VPS37C: variants seen among roughly 807,000 people sequenced by gnomAD.
VPS37C encodes the protein VPS37C subunit of ESCRT-I.
VPS37C carries 9 observed loss-of-function variants against 16.1 expected under a neutral mutation model. That is an observed-to-expected ratio of 0.56 (90% CI 0.34 to 0.97). VPS37C has a LOEUF of 0.97. Ranked by LOEUF, VPS37C falls within the 50% of genes least tolerant of loss-of-function variation. The probability of loss-of-function intolerance (pLI) is 0.02; values close to 1 mark genes in which losing one functional copy is unlikely to be tolerated. For synonymous variants in VPS37C, 207 were observed against 206.4 expected, an observed-to-expected ratio of 1.00 and a Z score of -0.02; for missense variants, 479 against 472.7, an observed-to-expected ratio of 1.01 and a Z score of -0.12.
At chr11:61,133,976 A>G in intron 3 of VPS37C, 60 bp downstream of exon 3, 3 of 1,554,340 alleles carry the variant, frequency 1.9e-6, no homozygotes, top group Non-Finnish European at 2.6e-6. Context: ...GGCTGGGAAC[A>G]CGGTGGGCCT....
intron 1 of VPS37C, among the ~76,000 whole-genome samples, chr11:61,142,929 A>G (rs1861497350): frequency 7.0e-6 from 1 of 142,010 alleles, no homozygotes; most frequent in Non-Finnish European, 1.5e-5. Context: ...CAATGTGCAC[A>G]TGTACCCTAA....
At chr11:61,155,455 C>T (rs1199131278) in intron 1 of VPS37C, among the ~76,000 whole-genome samples, 1 of 151,932 alleles carries the variant, frequency 6.6e-6, no homozygotes, top group African/African-American at 2.4e-5. Context: ...GCTATGATCA[C>T]GCCACTGCAC....
At chr11:61,146,460 T>C (rs944512571) in intron 1 of VPS37C, among the ~76,000 whole-genome samples, 7 of 150,762 alleles carry the variant, frequency 4.6e-5, no homozygotes, top group Admixed American at 2.6e-4. Flanking sequence ...ACCAACAGAG[T>C]GAGGAGGAGA....
In VPS37C at chr11:61,134,063, G is replaced by A. The variant is rs199807441; in HGVS notation, c.238C>T (p.Arg80Trp). ...AGCTTTGCCTTCTGCTCCTGGCACC[G>A]CTCCACGAGCTTCCGGAGCTCCTGG... ...RYQELRKLVE[R>W]CQEQKAKLEK... Residue 80 changes from arginine (R) to tryptophan (W), a missense_variant, in exon 3 of 5, where the codon CGG becomes TGG. Transcript: ENST00000301765. 25 of 1,612,228 alleles carry A rather than the reference G, an allele frequency of 1.6e-5. No individual in the cohort carries two copies. The highest frequency in any genetic ancestry group is 3.3e-4 in the Middle Eastern group (2 of 6,046).
intron 3 of VPS37C, 136 bp from the exon 4 acceptor site, chr11:61,133,473 C>T: frequency 2.5e-6 from 2 of 815,054 alleles, no homozygotes; most frequent in East Asian, 2.7e-5. Flanking sequence ...TCTGGGTGGG[C>T]TTGATGAGCA....
At chr11:61,137,227 T>C (rs1332445769) in intron 2 of VPS37C, among the ~76,000 whole-genome samples, 1 of 152,134 alleles carries the variant, frequency 6.6e-6, no homozygotes, top group Non-Finnish European at 1.5e-5. Flanking sequence ...AGAGAGCTCC[T>C]GTCTCTTCTC....
rs1861265052 is a variant in VPS37C, at chr11:61,131,837, C to G, written c.1051G>C (p.Ala351Pro). 7.9e-7 allele frequency: 1 copy of G among 1,258,636 alleles called. No individual in the cohort carries two copies. The highest frequency in any genetic ancestry group is 1.6e-5 in the African/African-American group (1 of 64,234). 78.0% of individuals were successfully genotyped at this position (1,258,636 alleles called of 1,614,324 possible). Residue 351 changes from alanine (A) to proline (P), a missense_variant, in exon 5 of 5, where the codon GCC becomes CCC. Ala to Pro is a conservative substitution (Grantham distance 27, BLOSUM62 -1). Transcript: ENST00000301765. ...GAGTGTGTCTAATACCCAGGCCAGGCAGGCCCCGGCGGTGGTGGGAACCCA... is the reference window on the plus strand; with the variant it reads ...GAGTGTGTCTAATACCCAGGCCAGGGAGGCCCCGGCGGTGGTGGGAACCCA... ...PYGFPPPPGP[A>P]WPGY
In VPS37C at chr11:61,131,910, G is replaced by A. The variant is rs777630524; in HGVS notation, c.978C>T (p.Pro326=). Residue 326 remains proline (P), a synonymous_variant, in exon 5 of 5, where the codon CCC becomes CCT. Transcript: ENST00000301765. ...GATAAGGGGGCTGCAGGGGCACTGA[G>A]GGCTGGGGCTGGCCTGGAAAGCTGG... The part of the protein sequence containing the change: ...QLPSFPGQPQ[P]SVPLQPPYPP... 6 of 1,292,050 alleles carry A rather than the reference G, an allele frequency of 4.6e-6. No homozygotes were observed. In the African/African-American group the frequency reaches 6.2e-5, roughly 13 times the overall value. The allele number at this position is 1,292,050 out of a possible 1,614,324, so 80.0% of individuals were successfully genotyped here.
chr11:61,132,496 G>T lies in VPS37C; in HGVS notation c.392C>A (p.Thr131Lys), dbSNP rs369758363. The T allele has an allele frequency of 6.8e-6, 11 of 1,610,792 alleles. No homozygotes were observed. Among genetic ancestry groups the T allele is most frequent in the Admixed American group, 1.7e-5 (1 of 59,782 alleles). ...CATGGAGGAAAAATTCTCCAGGAAC[G>T]TTTCCAGGGGCACCTCGCCCTCCAG... Reference protein sequence around the residue: ...KFLEGEVPLETFLENFSSMRM... With the variant: ...KFLEGEVPLEKFLENFSSMRM... The change falls in exon 5 of 5, where the codon ACG becomes AAG. Residue 131 changes from threonine (T) to lysine (K), a missense_variant. Coordinates refer to ENST00000301765, the MANE Select transcript of VPS37C (RefSeq NM_017966.5).
chr11:61,139,255 T>C (rs1299990311), intron 1 of VPS37C, among the ~76,000 whole-genome samples: 3 of 151,720 alleles, frequency 2.0e-5, no homozygotes, highest in African/African-American at 7.3e-5. Flanking sequence ...TATTTCTGTC[T>C]GAACCAGAAA....
rs1188682058 is a variant in VPS37C at position 61,133,433 on chromosome 11, C to A, written c.266-96G>T. 7 of 1,258,652 alleles carry A rather than the reference C, an allele frequency of 5.6e-6. No homozygotes were observed. The East Asian group carries it at 1.8e-4, about 32-fold the overall frequency. The allele number at this position is 1,258,652 out of a possible 1,614,324, so 78.0% of individuals were successfully genotyped here. ...ACCCTCTGTGTGCATCCAGGCCCAGCCACCACAGCAGGGTCCACCAAAGGG... is the reference window on the plus strand; with the variant it reads ...ACCCTCTGTGTGCATCCAGGCCCAGACACCACAGCAGGGTCCACCAAAGGG... On this transcript the variant is annotated intron_variant, in intron 3 of 4. Coordinates refer to ENST00000301765, the MANE Select transcript of VPS37C (RefSeq NM_017966.5).
At chr11:61,134,686 G>C (rs1861334386) in intron 2 of VPS37C, among the ~76,000 whole-genome samples, 2 of 152,222 alleles carry the variant, frequency 1.3e-5, no homozygotes, top group South Asian at 4.1e-4. Context: ...CCCAAATAAA[G>C]TTATTGTGAG....
intron 2 of VPS37C, among the ~76,000 whole-genome samples, chr11:61,135,315 C>T (rs1165387176): frequency 6.6e-6 from 1 of 152,236 alleles, no homozygotes; most frequent in African/African-American, 2.4e-5. Context: ...GGCCCATTGC[C>T]TCTTCTTTGT....
At chr11:61,158,857 CCTA>C (rs1853420088) in intron 1 of VPS37C, among the ~76,000 whole-genome samples, 1 of 152,206 alleles carries the variant, frequency 6.6e-6, no homozygotes, top group Non-Finnish European at 1.5e-5. Flanking sequence ...GGAAGGAGCA[CCTA>C]CTAAGTAAAC....
At chr11:61,140,317 G>A (rs1316667230) in intron 1 of VPS37C, among the ~76,000 whole-genome samples, 1 of 152,158 alleles carries the variant, frequency 6.6e-6, no homozygotes, top group African/African-American at 2.4e-5. Flanking sequence ...GTAAGAGGAG[G>A]ACTGAGAAAC....
chr11:61,133,062 C>A, intron 4 of VPS37C, 193 bp downstream of exon 4: 2 of 704,396 alleles, frequency 2.8e-6, no homozygotes, highest in East Asian at 2.7e-5. Context: ...GTTTCTGCTT[C>A]AGCTAGTGGG....
chr11:61,151,347 A>C (rs905540147), intron 1 of VPS37C, among the ~76,000 whole-genome samples: 4 of 152,212 alleles, frequency 2.6e-5, no homozygotes, highest in Admixed American at 6.5e-5. Context: ...ACTAAAGTCC[A>C]AACAGATGTA....
chr11:61,138,018 C>A (rs1427295246), intron 2 of VPS37C, among the ~76,000 whole-genome samples: 1 of 152,184 alleles, frequency 6.6e-6, no homozygotes, highest in Non-Finnish European at 1.5e-5. Context: ...ACATGTACTC[C>A]AAATGCAAAT....
intron 1 of VPS37C, among the ~76,000 whole-genome samples, chr11:61,150,514 T>C (rs1372080223): frequency 2.0e-5 from 3 of 151,266 alleles, no homozygotes; most frequent in Non-Finnish European, 4.4e-5. Context: ...TTTGCCCAGT[T>C]TGGCCTAATC....
Sources: allele counts gnomAD v4.1 joint callset (sites outside exome capture counted in the v4.1 genomes callset), GRCh38; gene constraint gnomAD v4.1.1; transcripts MANE v1.5; gene names NCBI Gene and HGNC (gene_info 2026-07-23, HGNC 2026-07-21).